Variants in TAFA1 observed in about 807,000 individuals in gnomAD.
TAFA1 encodes the protein chemokine-like protein TAFA-1.
TAFA1 carries 4 observed loss-of-function variants against 18.5 expected under a neutral mutation model. The observed-to-expected ratio is 0.22, with a 90% CI of 0.11 to 0.49. The LOEUF (loss-of-function observed/expected upper bound fraction) is 0.49, where lower values mean the gene tolerates loss of function less well. Ranked by LOEUF, TAFA1 falls within the 20% of genes least tolerant of loss-of-function variation. TAFA1 has a pLI of 0.98. For missense variants in TAFA1, 147 were observed against 169.0 expected, an observed-to-expected ratio of 0.87 and a Z score of 0.72; for synonymous variants, 56 against 55.2, an observed-to-expected ratio of 1.01 and a Z score of -0.06.
intron 3 of TAFA1, among the ~76,000 whole-genome samples, chr3:68,519,910 G>A (rs1313133622): frequency 6.6e-6 from 1 of 152,164 alleles, no homozygotes; most frequent in Non-Finnish European, 1.5e-5. Flanking sequence ...CATAACATGA[G>A]CTTACATATT....
chr3:68,406,620 G>A (rs1315278516), intron 2 of TAFA1, among the ~76,000 whole-genome samples: 1 of 152,164 alleles, frequency 6.6e-6, no homozygotes, highest in Non-Finnish European at 1.5e-5. Context: ...AATTTGGAAT[G>A]TATTGAAGGA....
At chr3:67,993,196 T>C in the TAFA1 span, among the ~76,000 whole-genome samples, 4 of 152,240 alleles carry the variant, frequency 2.6e-5, no homozygotes, top group Non-Finnish European at 5.9e-5. Context: ...CATAGCCAAT[T>C]TCCCTGGATA....
At chr3:68,364,988 T>C (rs760474826) in intron 2 of TAFA1, among the ~76,000 whole-genome samples, 4 of 152,210 alleles carry the variant, frequency 2.6e-5, no homozygotes, top group East Asian at 1.9e-4. Flanking sequence ...TTTAAGGTGA[T>C]AATCGGCTTG....
intron 2 of TAFA1, among the ~76,000 whole-genome samples, chr3:68,020,654 G>A (rs376375818): frequency 6.6e-6 from 1 of 152,226 alleles, no homozygotes; most frequent in South Asian, 2.1e-4. Flanking sequence ...GCACATAGAA[G>A]TTTTACAACT....
intron 2 of TAFA1, among the ~76,000 whole-genome samples, chr3:68,090,250 T>C (rs1354635645): frequency 2.0e-5 from 3 of 152,162 alleles, no homozygotes; most frequent in African/African-American, 7.2e-5. Context: ...GAATCAAACA[T>C]TTATTCTGAG....
chr3:67,997,504 A>T, the TAFA1 span, among the ~76,000 whole-genome samples: 4 of 152,126 alleles, frequency 2.6e-5, no homozygotes, highest in Non-Finnish European at 5.9e-5. Flanking sequence ...TATAGATTAA[A>T]ATATATATAT....
chr3:68,414,634 T>C (rs2070776985), intron 2 of TAFA1, among the ~76,000 whole-genome samples: 1 of 152,126 alleles, frequency 6.6e-6, no homozygotes, highest in African/African-American at 2.4e-5. Flanking sequence ...AAATCAGAGC[T>C]CCAGAAATGG....
chr3:68,271,481 G>T (rs1216604967), intron 2 of TAFA1, among the ~76,000 whole-genome samples: 1 of 152,112 alleles, frequency 6.6e-6, no homozygotes, highest in Non-Finnish European at 1.5e-5. Context: ...AGTAAAACTG[G>T]GGTATTATTC....
intron 2 of TAFA1, among the ~76,000 whole-genome samples, chr3:68,260,740 C>T (rs1053311128): frequency 6.6e-6 from 1 of 152,092 alleles, no homozygotes; most frequent in Non-Finnish European, 1.5e-5. Context: ...AAATTGGATC[C>T]CTTCCTTACA....
chr3:68,314,231 G>C (rs2068569113), intron 2 of TAFA1, among the ~76,000 whole-genome samples: 1 of 152,174 alleles, frequency 6.6e-6, no homozygotes, highest in Non-Finnish European at 1.5e-5. Context: ...TAGTTGACCT[G>C]TGAATGCATA....
chr3:68,141,087 T>A (rs1418662989), intron 2 of TAFA1, among the ~76,000 whole-genome samples: 2 of 152,312 alleles, frequency 1.3e-5, no homozygotes, highest in African/African-American at 2.4e-5. Context: ...CTTAAAGTAC[T>A]GTACCTAAGC....
At chr3:68,295,504 G>T (rs1201430758) in intron 2 of TAFA1, among the ~76,000 whole-genome samples, 1 of 152,068 alleles carries the variant, frequency 6.6e-6, no homozygotes. Context: ...TGTGCATTTG[G>T]AAAAGAAACA....
chr3:68,150,841 C>T (rs1358488505), intron 2 of TAFA1, among the ~76,000 whole-genome samples: 2 of 151,958 alleles, frequency 1.3e-5, no homozygotes, highest in African/African-American at 2.4e-5. Flanking sequence ...TCAGTAAAAC[C>T]ATAATAAGAA....
chr3:68,017,329 G>A (rs1271676578), intron 2 of TAFA1, among the ~76,000 whole-genome samples: 3 of 152,356 alleles, frequency 2.0e-5, no homozygotes, highest in African/African-American at 7.2e-5. Flanking sequence ...ACTTTTGACA[G>A]TTGCTTGCAG....
At chr3:68,498,646 C>T (rs1366375804) in intron 3 of TAFA1, among the ~76,000 whole-genome samples, 3 of 147,772 alleles carry the variant, frequency 2.0e-5, no homozygotes, top group East Asian at 2.0e-4. Context: ...AGTTTTCCTT[C>T]GAAGGCTGAT....
intron 2 of TAFA1, among the ~76,000 whole-genome samples, chr3:68,371,284 T>C (rs1463257996): frequency 6.6e-6 from 1 of 152,198 alleles, no homozygotes; most frequent in East Asian, 1.9e-4. Flanking sequence ...TAAATATACA[T>C]GTGTCGTGGT....
At chr3:68,290,997 T>C (rs948946802) in intron 2 of TAFA1, among the ~76,000 whole-genome samples, 5 of 152,106 alleles carry the variant, frequency 3.3e-5, no homozygotes, top group African/African-American at 9.7e-5. Flanking sequence ...TTTTTTCACC[T>C]GTAGAATGGG....
chr3:68,128,773 CT>C (rs1305093233), intron 2 of TAFA1, among the ~76,000 whole-genome samples: 1 of 152,156 alleles, frequency 6.6e-6, no homozygotes, highest in Non-Finnish European at 1.5e-5. Flanking sequence ...CAATTTTTCT[CT>C]TATTACTCAG....
intron 2 of TAFA1, among the ~76,000 whole-genome samples, chr3:68,015,910 T>C (rs972574751): frequency 2.6e-5 from 4 of 152,218 alleles, no homozygotes; most frequent in African/African-American, 7.2e-5. Flanking sequence ...AATTCAGTAT[T>C]CTTTAACTGG....
Sources: gnomAD v4.1 joint callset for allele counts (sites outside exome capture counted in the v4.1 genomes callset) on GRCh38, gnomAD v4.1.1 for gene constraint, MANE v1.5 for transcripts, NCBI Gene and HGNC (gene_info 2026-07-23, HGNC 2026-07-21) for gene names.